THADA: variants seen among roughly 807,000 people sequenced by gnomAD.
THADA encodes the protein tRNA (32-2'-O)-methyltransferase regulator THADA.
Under a neutral mutation model 219.8 loss-of-function variants are expected in THADA, and 213 were observed. That is an observed-to-expected ratio of 0.97 (90% CI 0.87 to 1.09). The LOEUF is 1.09. THADA is among the 50% of genes least tolerant of loss of function. The pLI is 0.00. For synonymous variants in THADA, 1,018 were observed against 828.9 expected, an observed-to-expected ratio of 1.23 and a Z score of -3.92; for missense variants, 2,956 against 2,311.3, an observed-to-expected ratio of 1.28 and a Z score of -5.72.
At chr2:43,427,663 A>AT (rs1295276191) in intron 28 of THADA, among the ~76,000 whole-genome samples, 1 of 149,118 alleles carries the variant, frequency 6.7e-6, no homozygotes, top group African/African-American at 2.4e-5. Context: ...TATATAAAAA[A>AT]ATATATAATA....
In THADA at chr2:43,485,222, A is replaced by C; in HGVS notation, c.3836+12T>G. 6.3e-7 allele frequency: 1 copy of C among 1,598,574 alleles called. No individual in the cohort carries two copies. Among genetic ancestry groups the C allele is most frequent in the East Asian group, 2.2e-5 (1 of 44,726 alleles). On this transcript the variant is annotated intron_variant, in intron 26 of 37. Coordinates refer to ENST00000405975, the MANE Select transcript of THADA (RefSeq NM_022065.5). Reference sequence around the variant, plus strand: ...TTTAAAAAAAGTAAAGTTAGCCTTAAATGGAGCTTACCTATTTGTTTTGGA... The same window carrying C: ...TTTAAAAAAAGTAAAGTTAGCCTTACATGGAGCTTACCTATTTGTTTTGGA...
intron 21 of THADA, among the ~76,000 whole-genome samples, chr2:43,535,389 T>C (rs1694441005): frequency 1.3e-5 from 2 of 151,674 alleles, no homozygotes. Flanking sequence ...TTTATAAAAA[T>C]GTTTTCCCAG....
chr2:43,282,139 T>G lies in THADA; in HGVS notation c.5165-2243A>C, dbSNP rs180697577. 1.8e-3 allele frequency among the ~76,000 whole-genome samples: 268 copies of G among 152,302 alleles called. 3 individuals carry two copies. Among genetic ancestry groups the G allele is most frequent in the Admixed American group, 0.011 (170 of 15,290 alleles). On this transcript the variant is annotated intron_variant, in intron 35 of 37. Transcript: ENST00000405975. ...CAGGTTATTCCACACACATTTTACC[T>G]GTTATAAGCTAGGGTTTGAGTAGTT...
chr2:43,385,380 G>A (rs997960837), intron 29 of THADA, among the ~76,000 whole-genome samples: 1 of 152,060 alleles, frequency 6.6e-6, no homozygotes, highest in African/African-American at 2.4e-5. Flanking sequence ...GCCGAGGCAG[G>A]CGGATCACGA....
intron 31 of THADA, among the ~76,000 whole-genome samples, chr2:43,304,217 A>G (rs1676584502): frequency 6.6e-6 from 1 of 152,146 alleles, no homozygotes; most frequent in South Asian, 2.1e-4. Context: ...AAGGGCAAGA[A>G]AGAAAAAATG....
At chr2:43,476,450 A>T (rs1685557103) in intron 26 of THADA, among the ~76,000 whole-genome samples, 2 of 152,190 alleles carry the variant, frequency 1.3e-5, no homozygotes, top group South Asian at 4.1e-4. Flanking sequence ...CCTCAAAAGA[A>T]TCAATCCTCT....
At chr2:43,394,775 T>C (rs1673823135) in intron 29 of THADA, among the ~76,000 whole-genome samples, 1 of 152,200 alleles carries the variant, frequency 6.6e-6, no homozygotes, top group Non-Finnish European at 1.5e-5. Flanking sequence ...CTTTGACTTC[T>C]TTTTCTCAAC....
At chr2:43,255,473 G>A (rs971722229) in intron 36 of THADA, among the ~76,000 whole-genome samples, 1 of 152,114 alleles carries the variant, frequency 6.6e-6, no homozygotes, top group Non-Finnish European at 1.5e-5. Context: ...CCACGGGTGT[G>A]GCTGACTTTC....
chr2:43,259,270 AACTCAAGACT>A (rs975809559), intron 36 of THADA, among the ~76,000 whole-genome samples: 2 of 152,156 alleles, frequency 1.3e-5, no homozygotes, highest in Non-Finnish European at 2.9e-5. Context: ...TTGGGGCTGA[AACTCAAGACT>A]ACTCAAGACT....
intron 28 of THADA, among the ~76,000 whole-genome samples, chr2:43,398,424 G>A (rs925636555): frequency 2.0e-5 from 3 of 152,178 alleles, no homozygotes; most frequent in African/African-American, 7.2e-5. Flanking sequence ...CAACTTACTT[G>A]TTAACTATTT....
intron 29 of THADA, among the ~76,000 whole-genome samples, chr2:43,386,401 T>C (rs1434369017): frequency 2.6e-5 from 4 of 151,888 alleles, no homozygotes; most frequent in Non-Finnish European, 4.4e-5. Context: ...TTCCTTTTTT[T>C]CCCCAAATAG....
intron 36 of THADA, among the ~76,000 whole-genome samples, chr2:43,272,997 C>T (rs2104278006): frequency 6.6e-6 from 1 of 151,844 alleles, no homozygotes; most frequent in South Asian, 2.1e-4. Flanking sequence ...GCCTGTAATC[C>T]CAGCATTTTG....
At chr2:43,253,321 T>G (rs149608187) in intron 36 of THADA, among the ~76,000 whole-genome samples, 29 of 152,232 alleles carry the variant, frequency 1.9e-4, no homozygotes, top group African/African-American at 7.0e-4. Flanking sequence ...CCTTTTTTGC[T>G]GAGTTTGAAT....
chr2:43,572,952 G>T lies in THADA; in HGVS notation c.1770C>A (p.Ser590Arg). The stretch of plus-strand genomic sequence containing the variant: ...CCATCAAAGCTCCCAGAGCCCCCCT[G>T]CTATTACAAGACCCTAAGGATGGGA... ...QSFPSLGSCN[S>R]RGALGALMAC... Residue 590 changes from serine to arginine, a missense_variant, in exon 12 of 38, where the codon AGC becomes AGA. Transcript: ENST00000405975. 1 of 1,613,858 alleles carries T rather than the reference G, an allele frequency of 6.2e-7. No homozygotes were observed. Among genetic ancestry groups the T allele is most frequent in the Non-Finnish European group, 8.5e-7 (1 of 1,179,834 alleles).
chr2:43,512,521 A>G (rs1690620730), intron 22 of THADA, among the ~76,000 whole-genome samples: 1 of 152,188 alleles, frequency 6.6e-6, no homozygotes, highest in Non-Finnish European at 1.5e-5. Context: ...TTTGTTTTTG[A>G]GACGAAATTT....
At chr2:43,544,477 T>G (rs1695752276) in intron 20 of THADA, among the ~76,000 whole-genome samples, 1 of 152,242 alleles carries the variant, frequency 6.6e-6, no homozygotes, top group South Asian at 2.1e-4. Context: ...GTATGGCCAC[T>G]TTCATGATAT....
At chr2:43,279,506 T>G (rs1363441028) in intron 36 of THADA, among the ~76,000 whole-genome samples, 2 of 152,214 alleles carry the variant, frequency 1.3e-5, no homozygotes, top group Non-Finnish European at 2.9e-5. Context: ...CTTTAGGATG[T>G]CCTACAGCAG....
At chr2:43,281,907 C>A (rs1354792227) in intron 35 of THADA, among the ~76,000 whole-genome samples, 1 of 152,136 alleles carries the variant, frequency 6.6e-6, no homozygotes, top group Admixed American at 6.5e-5. Flanking sequence ...GTAGCTGGAA[C>A]TACAGGTGTA....
intron 17 of THADA, among the ~76,000 whole-genome samples, chr2:43,553,270 A>G (rs1443262585): frequency 1.3e-5 from 2 of 152,112 alleles, no homozygotes; most frequent in Non-Finnish European, 2.9e-5. Flanking sequence ...TATCCTTGTT[A>G]TGGACTACAT....
Sources: gnomAD v4.1 joint callset for allele counts (sites outside exome capture counted in the v4.1 genomes callset) on GRCh38, gnomAD v4.1.1 for gene constraint, MANE v1.5 for transcripts, NCBI Gene and HGNC (gene_info 2026-07-23, HGNC 2026-07-21) for gene names.